SEMA5A: variants seen among roughly 807,000 people sequenced by gnomAD.
SEMA5A encodes semaphorin-5A.
SEMA5A carries 55 observed loss-of-function variants against 135.5 expected under a neutral mutation model. The ratio of observed to expected loss-of-function variants is 0.41; its 90% CI spans 0.33 to 0.51. SEMA5A has a LOEUF of 0.51. SEMA5A is among the 20% of genes least tolerant of loss of function. SEMA5A has a pLI of 0.37. For synonymous variants in SEMA5A, 580 were observed against 546.5 expected (o/e 1.06, Z -0.85); for missense variants, 1,290 against 1,419.9 (o/e 0.91, Z 1.47).
At chr5:9,122,262 T>C (rs1243553023) in intron 14 of SEMA5A, among the ~76,000 whole-genome samples, 1 of 152,204 alleles carries the variant, frequency 6.6e-6, no homozygotes, top group Non-Finnish European at 1.5e-5. Flanking sequence ...CAATATCCTA[T>C]GGAGTAGAGC....
intron 15 of SEMA5A, among the ~76,000 whole-genome samples, chr5:9,109,064 G>A (rs1457729876): frequency 3.3e-4 from 26 of 78,470 alleles, no homozygotes; most frequent in African/African-American, 1.5e-3. Context: ...TTTTTGAGAC[G>A]GAGTCTCGCT....
chr5:9,372,105 T>C (rs1291754347), intron 3 of SEMA5A, among the ~76,000 whole-genome samples: 1 of 152,090 alleles, frequency 6.6e-6, no homozygotes, highest in East Asian at 1.9e-4. Context: ...CAGAGAGAAA[T>C]ACTGGAAGCA....
chr5:9,332,353 T>C (rs1299941469), intron 4 of SEMA5A, among the ~76,000 whole-genome samples: 17 of 150,680 alleles, frequency 1.1e-4, no homozygotes, highest in Admixed American at 6.0e-4. Flanking sequence ...GGTACTCACA[T>C]GGGGTCAGAT....
intron 16 of SEMA5A, among the ~76,000 whole-genome samples, chr5:9,094,326 T>C (rs1739205504): frequency 6.6e-6 from 1 of 152,170 alleles, no homozygotes; most frequent in Non-Finnish European, 1.5e-5. Context: ...AAATGAACAG[T>C]ATCATGTGAG....
intron 1 of SEMA5A, among the ~76,000 whole-genome samples, chr5:9,544,011 T>C (rs1392758706): frequency 1.3e-5 from 2 of 152,216 alleles, no homozygotes. Flanking sequence ...CATTACACTC[T>C]CTAAAATAAT....
intron 2 of SEMA5A, among the ~76,000 whole-genome samples, chr5:9,403,495 C>G (rs1756752010): frequency 6.6e-6 from 1 of 152,190 alleles, no homozygotes; most frequent in Non-Finnish European, 1.5e-5. Context: ...ACCTCACTAA[C>G]ATTCAGCTGC....
At chr5:9,064,559 C>T (rs1737359214) in intron 17 of SEMA5A, among the ~76,000 whole-genome samples, 1 of 151,898 alleles carries the variant, frequency 6.6e-6, no homozygotes, top group South Asian at 2.1e-4. Context: ...AACCCAAACA[C>T]TGCATGTTCT....
At chr5:9,486,067 A>C (rs1734701922) in intron 1 of SEMA5A, among the ~76,000 whole-genome samples, 1 of 152,304 alleles carries the variant, frequency 6.6e-6, no homozygotes, top group Admixed American at 6.5e-5. Context: ...TGGTACATCT[A>C]CACCATGGAA....
At chr5:9,294,438 TAA>T (rs748284881) in intron 5 of SEMA5A, among the ~76,000 whole-genome samples, 1 of 152,222 alleles carries the variant, frequency 6.6e-6, no homozygotes, top group Non-Finnish European at 1.5e-5. Flanking sequence ...AGATGGATGC[TAA>T]AACCCTGTTC....
intron 19 of SEMA5A, among the ~76,000 whole-genome samples, chr5:9,052,446 TC>T (rs144718710): frequency 1.5e-3 from 224 of 152,236 alleles, no homozygotes; most frequent in African/African-American, 5.2e-3. Flanking sequence ...CCTGAAACAT[TC>T]CTGAAAATTC....
intron 13 of SEMA5A, among the ~76,000 whole-genome samples, chr5:9,123,376 G>A (rs988342223): frequency 6.6e-6 from 1 of 150,674 alleles, no homozygotes; most frequent in Non-Finnish European, 1.5e-5. Flanking sequence ...AGGGAGACAG[G>A]GGGAAAGGGG....
At chr5:9,066,929 C>T (rs1348244280) in intron 16 of SEMA5A, among the ~76,000 whole-genome samples, 4 of 152,078 alleles carry the variant, frequency 2.6e-5, no homozygotes, top group Non-Finnish European at 5.9e-5. Flanking sequence ...CCCACCGATC[C>T]CATAAAAATC....
At chr5:9,183,639 C>A (rs577569765) in intron 11 of SEMA5A, among the ~76,000 whole-genome samples, 1 of 152,182 alleles carries the variant, frequency 6.6e-6, no homozygotes, top group Non-Finnish European at 1.5e-5. Context: ...GACCAATGAG[C>A]GGTCCTTCTC....
Position 9,400,655 on chromosome 5 carries a change from C to A in SEMA5A, c.-77-20632G>T, listed in dbSNP as rs1257339786. 2.2e-5 allele frequency among the ~76,000 whole-genome samples: 2 copies of A among 89,038 alleles called. 1 individual carries two copies. The highest frequency in any genetic ancestry group is 9.4e-5 in the African/African-American group (2 of 21,324). 58.4% of individuals were successfully genotyped at this position (89,038 alleles called of 152,430 possible). ...CCAAGTAGCTGGGACTACAGGCGCC[C>A]GCCACTACGCCCGGCTAATTTTTTG... On this transcript the variant is annotated intron_variant, in intron 2 of 22. Coordinates refer to ENST00000382496, the MANE Select transcript of SEMA5A (RefSeq NM_003966.3).
rs200389702 is a variant in SEMA5A, at chr5:9,428,145, TATCTATCTATCTATCTATCTATCC to T, written c.-78+9587_-78+9610del. Among the ~76,000 whole-genome samples the T allele has an allele frequency of 4.0e-3, 545 of 134,652 alleles. 10 individuals carry two copies. The East Asian group carries it at 0.05, about 12-fold the overall frequency. The allele number at this position is 134,652 out of a possible 152,430, so 88.3% of individuals were successfully genotyped here. On this transcript the variant is annotated intron_variant, in intron 2 of 22. Coordinates refer to ENST00000382496, the MANE Select transcript of SEMA5A (RefSeq NM_003966.3). ...AACTCTATCTATCTATCTATCTATC[TATCTATCTATCTATCTATCTATCC>T]ATCCATCCATCCATCCAATTGACCC...
intron 1 of SEMA5A, among the ~76,000 whole-genome samples, chr5:9,538,712 A>C (rs1372790135): frequency 2.0e-5 from 3 of 152,206 alleles, no homozygotes; most frequent in Non-Finnish European, 4.4e-5. Flanking sequence ...AAACAACCTA[A>C]GTTTGCTTGT....
intron 16 of SEMA5A, among the ~76,000 whole-genome samples, chr5:9,105,062 T>C (rs1020287100): frequency 6.6e-6 from 1 of 152,212 alleles, no homozygotes; most frequent in African/African-American, 2.4e-5. Flanking sequence ...GGGCAGTGAA[T>C]GCATCTCAAG....
At chr5:9,391,284 C>T (rs1303852836) in intron 2 of SEMA5A, among the ~76,000 whole-genome samples, 1 of 152,162 alleles carries the variant, frequency 6.6e-6, no homozygotes. Flanking sequence ...TGGCTTTGTC[C>T]GTGTCATGTG....
At chr5:9,541,698 A>AGG (rs146561182) in intron 1 of SEMA5A, among the ~76,000 whole-genome samples, 14,026 of 152,176 alleles carry the variant, frequency 0.092, 1,066 homozygotes, top group African/African-American at 0.2. Flanking sequence ...TGGACCAAAA[A>AGG]AGAAGAAAGA....
Sources: allele counts gnomAD v4.1 joint callset (sites outside exome capture counted in the v4.1 genomes callset), GRCh38; gene constraint gnomAD v4.1.1; transcripts MANE v1.5; gene names NCBI Gene and HGNC (gene_info 2026-07-23, HGNC 2026-07-21).